COG5: variants seen among roughly 807,000 people sequenced by gnomAD.
The protein encoded by COG5 is component of oligomeric golgi complex 5.
COG5 carries 86 observed loss-of-function variants against 110.4 expected under a neutral mutation model. That is an observed-to-expected ratio of 0.78 (90% CI 0.65 to 0.93). The LOEUF is 0.93. Ranked by LOEUF, COG5 falls within the 40% of genes least tolerant of loss-of-function variation. The pLI, the probability that COG5 is intolerant of heterozygous loss-of-function variation, is 0.00. For missense variants in COG5, 1,077 were observed against 987.0 expected, an observed-to-expected ratio of 1.09 and a Z score of -1.22; for synonymous variants, 360 against 334.6, an observed-to-expected ratio of 1.08 and a Z score of -0.83.
intron 6 of COG5, among the ~76,000 whole-genome samples, chr7:107,423,147 A>C (rs925013930): frequency 4.0e-5 from 6 of 151,356 alleles, no homozygotes; most frequent in Admixed American, 2.6e-4. Context: ...CGGATCAAAA[A>C]AAGGCATCTT....
chr7:107,344,207 A>C (rs1451773557), intron 10 of COG5, among the ~76,000 whole-genome samples: 1 of 152,228 alleles, frequency 6.6e-6, no homozygotes, highest in Non-Finnish European at 1.5e-5. Flanking sequence ...CTGTGATTTT[A>C]GTGTAGCTAC....
At chr7:107,547,700 A>T (rs1802546560) in intron 5 of COG5, among the ~76,000 whole-genome samples, 1 of 152,198 alleles carries the variant, frequency 6.6e-6, no homozygotes, top group Non-Finnish European at 1.5e-5. Flanking sequence ...CAAAATTAAC[A>T]TACAAAAATC....
chr7:107,237,847 G>A (rs1049968571), intron 17 of COG5, among the ~76,000 whole-genome samples: 2 of 152,088 alleles, frequency 1.3e-5, no homozygotes, highest in African/African-American at 2.4e-5. Context: ...TGTGGGGTTT[G>A]GTTTTCCCAG....
intron 6 of COG5, among the ~76,000 whole-genome samples, chr7:107,509,375 C>T (rs1799311357): frequency 6.6e-6 from 1 of 152,114 alleles, no homozygotes; most frequent in South Asian, 2.1e-4. Flanking sequence ...ATGAACAAAG[C>T]CTCCAAGAAA....
Position 107,316,232 on chromosome 7 carries a change from T to C in COG5, c.1108+8208A>G, listed in dbSNP as rs1162162625. On this transcript the variant is annotated intron_variant, in intron 11 of 21. Coordinates refer to ENST00000297135, the MANE Select transcript of COG5 (RefSeq NM_006348.5). ...CATGGGAGCAACATGAATAGGTTTATAGCTGAGGAAAAGAAATTAAAAGAG... is the reference window on the plus strand; with the variant it reads ...CATGGGAGCAACATGAATAGGTTTACAGCTGAGGAAAAGAAATTAAAAGAG... Among the ~76,000 whole-genome samples the C allele has an allele frequency of 2.6e-5, 4 of 152,234 alleles. No homozygotes were observed. The East Asian group carries it at 7.7e-4, about 29-fold the overall frequency.
At chr7:107,472,513 C>T (rs1285866127) in intron 6 of COG5, 2 of 151,870 alleles carry the variant, frequency 1.3e-5, no homozygotes, top group Non-Finnish European at 2.9e-5. Context: ...GACATTTCTG[C>T]TTTATTTAAT....
In COG5 at chr7:107,203,003, G is replaced by A. The variant is rs1798467001; in HGVS notation, c.*513C>T. 2.0e-5 allele frequency: 3 copies of A among 152,754 alleles called. No homozygotes were observed. The South Asian group carries it at 6.1e-4, about 31-fold the overall frequency. The allele number at this position is 152,754 out of a possible 1,614,324, so 9.5% of individuals were successfully genotyped here. ...TTTTTTTTAATAGTGGTGTCTGTCA[G>A]GCTCCCACTCCTAGACATGTTAATT... is the stretch of plus-strand genomic sequence containing the variant. On this transcript the variant is annotated 3_prime_UTR_variant, in exon 22 of 22. Coordinates refer to ENST00000297135, the MANE Select transcript of COG5 (RefSeq NM_006348.5).
intron 12 of COG5, among the ~76,000 whole-genome samples, chr7:107,287,100 G>C (rs1315104056): frequency 6.6e-6 from 1 of 152,208 alleles, no homozygotes; most frequent in Non-Finnish European, 1.5e-5. Context: ...GTTTATTGGG[G>C]GAAGAGGAGG....
At chr7:107,427,083 C>T (rs970049331) in intron 6 of COG5, among the ~76,000 whole-genome samples, 4 of 152,128 alleles carry the variant, frequency 2.6e-5, no homozygotes, top group South Asian at 4.1e-4. Flanking sequence ...TCTGACAAAC[C>T]TGGCCACAAA....
rs1224738881 is a variant in COG5, at chr7:107,283,568, T to C, written c.1475+3A>G. 6.2e-7 allele frequency: 1 copy of C among 1,613,132 alleles called. No individual in the cohort carries two copies. The highest frequency in any genetic ancestry group is 1.3e-5 in the African/African-American group (1 of 74,884). The stretch of plus-strand genomic sequence containing the variant: ...GGCAAGCCACTATATAAAAAATACA[T>C]ACCTTGCTATAGTTTTAATAATACC... On this transcript the variant is annotated splice_donor_region_variant and intron_variant, in intron 13 of 21. Transcript: ENST00000297135.
chr7:107,465,900 C>A (rs1796268365), intron 6 of COG5, among the ~76,000 whole-genome samples: 1 of 152,076 alleles, frequency 6.6e-6, no homozygotes, highest in Non-Finnish European at 1.5e-5. Flanking sequence ...AGCTATGTCC[C>A]CCAGCACAGC....
intron 14 of COG5, among the ~76,000 whole-genome samples, chr7:107,268,463 G>T (rs796136076): frequency 8.5e-5 from 13 of 152,292 alleles, no homozygotes; most frequent in African/African-American, 3.1e-4. Context: ...TGCAAAACAT[G>T]GCACTATATT....
chr7:107,260,661 G>A (rs1562938428), intron 14 of COG5, among the ~76,000 whole-genome samples: 1 of 151,946 alleles, frequency 6.6e-6, no homozygotes, highest in Non-Finnish European at 1.5e-5. Context: ...AAGAGAAGAT[G>A]ACTTAAGTTC....
At chr7:107,408,834 A>G (rs1792061506) in intron 7 of COG5, among the ~76,000 whole-genome samples, 1 of 152,210 alleles carries the variant, frequency 6.6e-6, no homozygotes, top group African/African-American at 2.4e-5. Flanking sequence ...GTTTCCTGAC[A>G]TGGAGGTAGC....
chr7:107,390,967 C>T (rs1433665170), intron 7 of COG5, among the ~76,000 whole-genome samples: 3 of 151,742 alleles, frequency 2.0e-5, no homozygotes, highest in African/African-American at 7.3e-5. Flanking sequence ...GCACCCTAAT[C>T]CTCTTTGAGC....
At chr7:107,351,854 C>T (rs933502651) in intron 10 of COG5, among the ~76,000 whole-genome samples, 4 of 149,918 alleles carry the variant, frequency 2.7e-5, no homozygotes, top group African/African-American at 9.8e-5. Context: ...CACTTTTACA[C>T]TGTTGGTGGG....
intron 6 of COG5, among the ~76,000 whole-genome samples, chr7:107,488,380 T>A (rs1797777210): frequency 6.6e-6 from 1 of 152,134 alleles, no homozygotes. Context: ...ACTGTCCAGA[T>A]TGAGACTAAG....
Position 107,360,936 on chromosome 7 carries a change from C to A in COG5, c.1026+1097G>T, listed in dbSNP as rs531780700. 7.9e-5 allele frequency among the ~76,000 whole-genome samples: 12 copies of A among 152,352 alleles called. No homozygotes were observed. In the South Asian group the frequency reaches 1.5e-3, roughly 18 times the overall value. ...TTCAGGCAGAAGGCACCACTGGTCA[C>A]AGGAGTTTCTGGCTGGCGAAGTGAC... On this transcript the variant is annotated intron_variant, in intron 10 of 21. Coordinates refer to ENST00000297135, the MANE Select transcript of COG5 (RefSeq NM_006348.5).
intron 6 of COG5, among the ~76,000 whole-genome samples, chr7:107,460,543 A>T (rs991099139): frequency 6.6e-6 from 1 of 151,808 alleles, no homozygotes; most frequent in African/African-American, 2.4e-5. Context: ...AACCACGTAT[A>T]AAAAAAAATT....
Sources: allele counts gnomAD v4.1 joint callset (sites outside exome capture counted in the v4.1 genomes callset), GRCh38; gene constraint gnomAD v4.1.1; transcripts MANE v1.5; gene names NCBI Gene and HGNC (gene_info 2026-07-23, HGNC 2026-07-21).